The following PGBD5 variants were observed in gnomAD, a reference collection of about 807,000 sequenced individuals.
PGBD5 encodes piggyBac transposable element derived 5.
In PGBD5, 14 loss-of-function variants were observed where a neutral mutation model predicts 47.9. The ratio of observed to expected loss-of-function variants is 0.29; its 90% CI spans 0.19 to 0.46. The LOEUF (loss-of-function observed/expected upper bound fraction) is 0.46, where lower values mean the gene tolerates loss of function less well. PGBD5 is among the 20% of genes least tolerant of loss of function. The pLI, the probability that PGBD5 is intolerant of heterozygous loss-of-function variation, is 1.00. For missense variants in PGBD5, 635 were observed against 716.0 expected (o/e 0.89, Z 1.29); for synonymous variants, 316 against 306.3 (o/e 1.03, Z -0.33).
intron 3 of PGBD5, among the ~76,000 whole-genome samples, chr1:230,338,320 C>T (rs889909277): frequency 3.3e-5 from 5 of 152,250 alleles, no homozygotes; most frequent in Non-Finnish European, 5.9e-5. Context: ...CTTAGGGCAG[C>T]ACAAGGCTGC....
chr1:230,339,426 G>T (rs1667377384), intron 3 of PGBD5, among the ~76,000 whole-genome samples: 1 of 152,176 alleles, frequency 6.6e-6, no homozygotes, highest in Non-Finnish European at 1.5e-5. Context: ...TTAAAGTATG[G>T]CTGTTACGGC....
chr1:230,349,738 A>T (rs1268935160), intron 3 of PGBD5, among the ~76,000 whole-genome samples: 1 of 152,178 alleles, frequency 6.6e-6, no homozygotes, highest in Non-Finnish European at 1.5e-5. Context: ...TCATCACAAA[A>T]GGCACTATAG....
At chr1:230,422,123 T>C (rs1252581518) in intron 1 of PGBD5, among the ~76,000 whole-genome samples, 1 of 151,742 alleles carries the variant, frequency 6.6e-6, no homozygotes, top group Non-Finnish European at 1.5e-5. Context: ...AATATATATA[T>C]ATATTTTTCC....
chr1:230,322,133 A>G lies in PGBD5; in HGVS notation c.*1292T>C, dbSNP rs915110077. The G allele has an allele frequency of 6.6e-6, 1 of 151,952 alleles. No individual in the cohort carries two copies. Among genetic ancestry groups the G allele is most frequent in the Non-Finnish European group, 1.5e-5 (1 of 68,010 alleles). 9.4% of individuals were successfully genotyped at this position (151,952 alleles called of 1,614,324 possible). A position where few individuals can be genotyped will look rare whatever the true frequency, so the allele number is the denominator to read the frequency against. ...GTGGGGATGGTCAGATCTGCCCACC[A>G]CTCTGGCACCGAGGCTTCCCTGGAG... is the stretch of plus-strand genomic sequence containing the variant. On this transcript the variant is annotated 3_prime_UTR_variant, in exon 7 of 7. Transcript: ENST00000391860. This position sits in a 1 kb window ranked among gnomAD's most constrained non-coding sequence, Gnocchi z 5.9.
chr1:230,366,792 ACAGCAT>A (rs1204666781), intron 1 of PGBD5, among the ~76,000 whole-genome samples: 3 of 152,140 alleles, frequency 2.0e-5, no homozygotes, highest in Non-Finnish European at 1.5e-5. Context: ...CACACCCACG[ACAGCAT>A]TGCTAATCCC....
chr1:230,372,100 A>G (rs1417954203), intron 1 of PGBD5, among the ~76,000 whole-genome samples: 1 of 152,222 alleles, frequency 6.6e-6, no homozygotes, highest in Non-Finnish European at 1.5e-5. Flanking sequence ...GCGATGCCCC[A>G]AGAGAACTGT....
chr1:230,355,079 G>A (rs185188454), intron 2 of PGBD5, among the ~76,000 whole-genome samples: 266 of 152,272 alleles, frequency 1.7e-3, no homozygotes, highest in Non-Finnish European at 3.1e-3. Context: ...CAAGTGAGCC[G>A]CAGAATAACA....
At chr1:230,413,345 G>C (rs989166796) in intron 1 of PGBD5, among the ~76,000 whole-genome samples, 2 of 151,954 alleles carry the variant, frequency 1.3e-5, no homozygotes, top group Non-Finnish European at 2.9e-5. Flanking sequence ...GCAGAATTTC[G>C]AGCAAAAAAT....
At chr1:230,330,403 A>ACAG (rs1346276358) in intron 5 of PGBD5, among the ~76,000 whole-genome samples, 5 of 152,246 alleles carry the variant, frequency 3.3e-5, no homozygotes, top group Non-Finnish European at 7.3e-5. Flanking sequence ...CCAAATGTTT[A>ACAG]TGTATGAAGA....
intron 1 of PGBD5, among the ~76,000 whole-genome samples, chr1:230,381,716 C>T (rs980382700): frequency 6.6e-5 from 10 of 152,206 alleles, no homozygotes; most frequent in African/African-American, 1.4e-4. Context: ...CCACCCTCCA[C>T]GCCCAGGGTT....
chr1:230,345,500 G>C (rs1291505210), intron 3 of PGBD5, among the ~76,000 whole-genome samples: 2 of 152,216 alleles, frequency 1.3e-5, no homozygotes, highest in Non-Finnish European at 2.9e-5. Flanking sequence ...CTGCAAACAG[G>C]GTAGGGCTGG....
chr1:230,375,834 G>T (rs557239023), intron 1 of PGBD5, among the ~76,000 whole-genome samples: 1 of 151,176 alleles, frequency 6.6e-6, no homozygotes, highest in African/African-American at 2.4e-5. Context: ...GTTTTGTTTT[G>T]TTTTAATCCT....
intron 1 of PGBD5, among the ~76,000 whole-genome samples, chr1:230,416,665 T>C (rs911079301): frequency 6.6e-6 from 1 of 152,164 alleles, no homozygotes; most frequent in East Asian, 1.9e-4. Flanking sequence ...GAAGATCACA[T>C]GGCCAGAGAC....
chr1:230,411,618 A>G (rs966558945), intron 1 of PGBD5, among the ~76,000 whole-genome samples: 3 of 152,262 alleles, frequency 2.0e-5, no homozygotes, highest in Non-Finnish European at 4.4e-5. Flanking sequence ...TATGAAGCCA[A>G]GCATAATTTT....
Position 230,399,794 on chromosome 1 carries a change from C to T in PGBD5, c.331+25804G>A, listed in dbSNP as rs143576657. 1.4e-3 allele frequency among the ~76,000 whole-genome samples: 213 copies of T among 152,326 alleles called. 5 individuals carry two copies. The East Asian group carries it at 0.031, about 22-fold the overall frequency. ...TTCTCCTGCCCACGTTGCCGCAGAT[C>T]CTTCCAATACTCAGTTCCCACGGTG... is the stretch of plus-strand genomic sequence containing the variant. On this transcript the variant is annotated intron_variant, in intron 1 of 6. Coordinates refer to ENST00000391860, the MANE Select transcript of PGBD5 (RefSeq NM_001258311.2).
At chr1:230,399,154 C>T (rs972180079) in intron 1 of PGBD5, among the ~76,000 whole-genome samples, 2 of 151,854 alleles carry the variant, frequency 1.3e-5, no homozygotes, top group East Asian at 3.9e-4. Flanking sequence ...GGACAGCTAG[C>T]GCTATTTGGA....
intron 1 of PGBD5, among the ~76,000 whole-genome samples, chr1:230,404,701 G>A (rs1377169577): frequency 6.7e-6 from 1 of 149,630 alleles, no homozygotes; most frequent in Non-Finnish European, 1.5e-5. Flanking sequence ...GGAGGCTGAC[G>A]TTTGGCAGAT....
In PGBD5 at chr1:230,333,048, G is replaced by GGA; in HGVS notation, c.1076-9_1076-8dup. 6.3e-7 allele frequency: 1 copy of GGA among 1,583,562 alleles called. No homozygotes were observed. The highest frequency in any genetic ancestry group is 8.6e-7 in the Non-Finnish European group (1 of 1,165,100). On this transcript the variant is annotated splice_polypyrimidine_tract_variant and splice_region_variant and intron_variant, in intron 4 of 6. Coordinates refer to ENST00000391860, the MANE Select transcript of PGBD5 (RefSeq NM_001258311.2). ...AAGCCGCAGCAGTAAATCCCTGAGG[G>GGA]GAGAGGGAGGAAGGATCGCACACTC...
rs1046306416 is a variant in PGBD5, at chr1:230,337,251, C to A, written c.932G>T (p.Gly311Val). The change falls in exon 4 of 7, where the codon GGC becomes GTC. Residue 311 changes from glycine (G) to valine (V), a missense_variant. Physicochemically the swap from Gly to Val is moderately radical, Grantham distance 109 (BLOSUM62 -3). Transcript: ENST00000391860. ...GGGCTTATTCTTCAGCGCATCCAGG[C>A]CATCTGGGCCCCCACCTTCCTTCAG... ...VHLKEGGGPD[G>V]LDALKNKPQL... The A allele has an allele frequency of 2.5e-6, 4 of 1,613,586 alleles. No individual in the cohort carries two copies. The highest frequency in any genetic ancestry group is 3.4e-6 in the Non-Finnish European group (4 of 1,179,932).
Sources: allele counts gnomAD v4.1 joint callset (sites outside exome capture counted in the v4.1 genomes callset), GRCh38; gene constraint gnomAD v4.1.1; non-coding constraint Gnocchi (gnomAD v3.1); transcripts MANE v1.5; gene names NCBI Gene and HGNC (gene_info 2026-07-23, HGNC 2026-07-21).